The following RBFOX1 variants were observed in gnomAD, a reference collection of about 807,000 sequenced individuals.
The protein encoded by RBFOX1 is RNA binding protein fox-1 homolog 1.
Under a neutral mutation model 57.7 loss-of-function variants are expected in RBFOX1, and 8 were observed. The ratio of observed to expected loss-of-function variants is 0.14; its 90% CI spans 0.08 to 0.25. The LOEUF (loss-of-function observed/expected upper bound fraction) is 0.25. RBFOX1 is among the 10% of genes least tolerant of loss of function. The pLI, the probability that RBFOX1 is intolerant of heterozygous loss-of-function variation, is 1.00. For synonymous variants in RBFOX1, 326 were observed against 222.4 expected, an observed-to-expected ratio of 1.47 and a Z score of -4.15; for missense variants, 611 against 548.5, an observed-to-expected ratio of 1.11 and a Z score of -1.14.
At chr16:6,268,839 C>A (rs61563561) in intron 1 of RBFOX1, among the ~76,000 whole-genome samples, 17,697 of 152,090 alleles carry the variant, frequency 0.12, 1,278 homozygotes, top group Non-Finnish European at 0.15. Flanking sequence ...AGAGAACAAA[C>A]AAAATGCCTA....
chr16:6,103,767 G>T (rs1454930316), intron 1 of RBFOX1, among the ~76,000 whole-genome samples: 2 of 152,144 alleles, frequency 1.3e-5, no homozygotes, highest in East Asian at 1.9e-4. Context: ...CCAGTCATGT[G>T]ACCTCCATTT....
chr16:7,278,284 A>C lies in RBFOX1; in HGVS notation c.27+226186A>C, dbSNP rs559927304. Among the ~76,000 whole-genome samples, 540 of 152,296 alleles carry C rather than the reference A, an allele frequency of 3.5e-3. 4 individuals carry two copies. Among genetic ancestry groups the C allele is most frequent in the African/African-American group, 0.012 (490 of 41,568 alleles). On this transcript the variant is annotated intron_variant, in intron 4 of 15. Transcript: ENST00000550418. ...AATTGCAAGTATACCAGCTAATTAG[A>C]CATGTGTTCCGTAATGCTTAAAGAG... is the stretch of plus-strand genomic sequence containing the variant.
In RBFOX1 at chr16:7,068,048, C is replaced by T. The variant is rs9931219; in HGVS notation, c.27+15950C>T. Among the ~76,000 whole-genome samples, 6 of 150,234 alleles carry T rather than the reference C, an allele frequency of 4.0e-5. No homozygotes were observed. The South Asian group carries it at 1.3e-3, about 32-fold the overall frequency. ...ACTCTCATGGTTTGACTCTCTCGTGCCTCTTCTTCTGTTGTATCTGTCGGA... is the reference window on the plus strand; with the variant it reads ...ACTCTCATGGTTTGACTCTCTCGTGTCTCTTCTTCTGTTGTATCTGTCGGA... On this transcript the variant is annotated intron_variant, in intron 4 of 15. Transcript: ENST00000550418.
intron 3 of RBFOX1, among the ~76,000 whole-genome samples, chr16:6,978,199 C>T (rs1386697909): frequency 6.6e-6 from 1 of 152,138 alleles, no homozygotes; most frequent in Non-Finnish European, 1.5e-5. Flanking sequence ...TGACTGGGCC[C>T]TCGGTTGCAG....
intron 4 of RBFOX1, among the ~76,000 whole-genome samples, chr16:7,365,495 C>G (rs534300527): frequency 2.0e-4 from 30 of 152,198 alleles, no homozygotes; most frequent in African/African-American, 6.7e-4. Context: ...TTTTTCCCCC[C>G]CACAGGGAAC....
At chr16:7,213,993 C>T (rs374343602) in intron 4 of RBFOX1, among the ~76,000 whole-genome samples, 10 of 152,078 alleles carry the variant, frequency 6.6e-5, no homozygotes, top group Non-Finnish European at 1.3e-4. Flanking sequence ...TTCCACTGTC[C>T]TGATGGAGCA....
At chr16:6,971,261 G>T (rs2085474428) in intron 3 of RBFOX1, among the ~76,000 whole-genome samples, 2 of 152,272 alleles carry the variant, frequency 1.3e-5, no homozygotes, top group South Asian at 4.1e-4. Context: ...GGATTCTTCT[G>T]GAACACCTTG....
At chr16:7,084,791 G>C (rs971795972) in intron 4 of RBFOX1, among the ~76,000 whole-genome samples, 2 of 152,180 alleles carry the variant, frequency 1.3e-5, no homozygotes, top group Non-Finnish European at 2.9e-5. Context: ...ACCATGATGT[G>C]TTCATATTCC....
intron 3 of RBFOX1, among the ~76,000 whole-genome samples, chr16:5,852,625 G>C (rs981579243): frequency 2.0e-5 from 3 of 152,134 alleles, no homozygotes; most frequent in Non-Finnish European, 2.9e-5. Context: ...GCTTGATGCA[G>C]CTTGGCTAGG....
At chr16:6,224,099 C>G (rs2097398064) in intron 1 of RBFOX1, among the ~76,000 whole-genome samples, 1 of 152,070 alleles carries the variant, frequency 6.6e-6, no homozygotes, top group Non-Finnish European at 1.5e-5. Context: ...GTTTTGGTTA[C>G]TGTAGCCTTG....
At chr16:6,161,238 A>G (rs2096876389) in intron 1 of RBFOX1, among the ~76,000 whole-genome samples, 1 of 151,926 alleles carries the variant, frequency 6.6e-6, no homozygotes, top group African/African-American at 2.4e-5. Context: ...AAAATACCAA[A>G]ATTAGCTTGG....
At chr16:7,066,896 A>G (rs1031827147) in intron 4 of RBFOX1, among the ~76,000 whole-genome samples, 3 of 152,208 alleles carry the variant, frequency 2.0e-5, no homozygotes, top group African/African-American at 7.2e-5. Context: ...TTGAACCCAG[A>G]CCATTTATTT....
intron 3 of RBFOX1, among the ~76,000 whole-genome samples, chr16:6,860,244 T>A (rs2058754970): frequency 6.6e-6 from 1 of 152,228 alleles, no homozygotes; most frequent in African/African-American, 2.4e-5. Context: ...CCAGACACAA[T>A]GTTAGGCACT....
chr16:7,087,581 G>A (rs546185697), intron 4 of RBFOX1, among the ~76,000 whole-genome samples: 64 of 151,370 alleles, frequency 4.2e-4, no homozygotes, highest in African/African-American at 1.5e-3. Context: ...AGAGAGGGAG[G>A]GAGGGAGGGG....
intron 3 of RBFOX1, among the ~76,000 whole-genome samples, chr16:7,000,540 G>A (rs929991315): frequency 2.7e-5 from 4 of 146,198 alleles, no homozygotes; most frequent in Middle Eastern, 3.3e-3. Context: ...GTTCAATTTT[G>A]CTTTTGGCAA....
rs149371330 is a variant in RBFOX1, at chr16:7,527,555, G to A, written c.270+9166G>A. On this transcript the variant is annotated intron_variant, in intron 5 of 15. Transcript: ENST00000550418. ...AAATGGCGTTGGTTAAATATCTTTAGATATTATCGGGAGAAGCAGAGTAGA... is the reference window on the plus strand; with the variant it reads ...AAATGGCGTTGGTTAAATATCTTTAAATATTATCGGGAGAAGCAGAGTAGA... Among the ~76,000 whole-genome samples the A allele has an allele frequency of 1.1e-4, 17 of 152,218 alleles. No individual in the cohort carries two copies. In the East Asian group the frequency reaches 3.1e-3, roughly 28 times the overall value.
chr16:6,362,864 C>T (rs17139941), intron 2 of RBFOX1, among the ~76,000 whole-genome samples: 35,196 of 152,086 alleles, frequency 0.23, 4,492 homozygotes, highest in African/African-American at 0.33. Context: ...GAGGTGTAAA[C>T]AGAGGATGGA....
Position 7,456,418 on chromosome 16 carries a change from C to G in RBFOX1, c.28-61729C>G, listed in dbSNP as rs111599869. On this transcript the variant is annotated intron_variant, in intron 4 of 15. Coordinates refer to ENST00000550418, the MANE Select transcript of RBFOX1 (RefSeq NM_018723.4). ...CTTGTTTTATGGGCCGGGATTAATT[C>G]CAAAGTAAACACTAAGTACTCAGCT... 5.1e-3 allele frequency among the ~76,000 whole-genome samples: 781 copies of G among 152,240 alleles called. 5 individuals are homozygous for G. Among genetic ancestry groups the G allele is most frequent in the African/African-American group, 0.017 (714 of 41,544 alleles).
intron 3 of RBFOX1, among the ~76,000 whole-genome samples, chr16:6,818,120 C>A (rs913298477): frequency 3.9e-5 from 6 of 152,164 alleles, no homozygotes; most frequent in African/African-American, 7.2e-5. Flanking sequence ...ACCCCTCCCT[C>A]TATGGAAGCC....
Sources: allele counts gnomAD v4.1 joint callset (sites outside exome capture counted in the v4.1 genomes callset), GRCh38; gene constraint gnomAD v4.1.1; transcripts MANE v1.5; gene names NCBI Gene and HGNC (gene_info 2026-07-23, HGNC 2026-07-21).